The following LRP1B variants were observed in gnomAD, a reference collection of about 807,000 sequenced individuals.
LRP1B encodes LDL receptor related protein 1B.
Under a neutral mutation model 556.6 loss-of-function variants are expected in LRP1B, and 217 were observed. That is an observed-to-expected ratio of 0.39 (90% CI 0.35 to 0.44). The LOEUF (loss-of-function observed/expected upper bound fraction) is 0.44. Among genes scored for constraint, LRP1B ranks in the 20% least tolerant of loss-of-function variants. The probability of loss-of-function intolerance (pLI) is 1.00; values close to 1 mark genes in which losing one functional copy is unlikely to be tolerated. For synonymous variants in LRP1B, 2,047 were observed against 1,865.8 expected (o/e 1.10, Z -2.50); for missense variants, 5,053 against 5,620.8 (o/e 0.90, Z 3.23).
intron 3 of LRP1B, among the ~76,000 whole-genome samples, chr2:141,433,443 G>A (rs60776786): frequency 0.022 from 3,374 of 151,980 alleles, 146 homozygotes; most frequent in African/African-American, 0.075. Flanking sequence ...ATTTTCTTAC[G>A]GATCTTCTGC....
intron 2 of LRP1B, among the ~76,000 whole-genome samples, chr2:141,735,681 T>A (rs1693438342): frequency 6.6e-6 from 1 of 152,090 alleles, no homozygotes; most frequent in African/African-American, 2.4e-5. Context: ...AGGTAGAACT[T>A]TTTTCTCTTC....
At chr2:140,612,703 C>T (rs1683111761) in intron 41 of LRP1B, among the ~76,000 whole-genome samples, 1 of 152,134 alleles carries the variant, frequency 6.6e-6, no homozygotes, top group Non-Finnish European at 1.5e-5. Context: ...TTACCATGCT[C>T]AGACTATGAT....
intron 6 of LRP1B, among the ~76,000 whole-genome samples, chr2:141,225,520 T>A (rs999695082): frequency 6.6e-6 from 1 of 152,122 alleles, no homozygotes; most frequent in African/African-American, 2.4e-5. Context: ...CCAAGAAAAA[T>A]TTTGGGAAAC....
At chr2:140,537,267 T>A (rs936851815) in intron 45 of LRP1B, among the ~76,000 whole-genome samples, 2 of 149,768 alleles carry the variant, frequency 1.3e-5, no homozygotes, top group Admixed American at 6.7e-5. Context: ...GCCAGTTAAA[T>A]GAACTCTGTA....
chr2:141,323,661 T>C (rs1687323458), intron 3 of LRP1B, among the ~76,000 whole-genome samples: 2 of 152,044 alleles, frequency 1.3e-5, no homozygotes, highest in South Asian at 2.1e-4. Flanking sequence ...AAGAGGTTTT[T>C]CCTAGTCCTA....
At chr2:141,220,201 A>G (rs570024351) in intron 6 of LRP1B, among the ~76,000 whole-genome samples, 9 of 152,294 alleles carry the variant, frequency 5.9e-5, no homozygotes, top group African/African-American at 1.9e-4. Context: ...GGAGATGTTA[A>G]CCAGAATAAC....
At chr2:141,013,835 A>G in intron 13 of LRP1B, 90 bp from the exon 14 acceptor site, 1 of 666,442 alleles carries the variant, frequency 1.5e-6, no homozygotes, top group Non-Finnish European at 2.3e-6. Context: ...AATAAGTATA[A>G]CAGATAATAA....
intron 1 of LRP1B, among the ~76,000 whole-genome samples, chr2:142,114,914 G>T (rs773498301): frequency 2.0e-5 from 3 of 152,002 alleles, no homozygotes; most frequent in Non-Finnish European, 4.4e-5. Context: ...ACAACAAAAA[G>T]AAATAATAAA....
chr2:140,912,856 T>A (rs1694463389), intron 21 of LRP1B, among the ~76,000 whole-genome samples: 1 of 151,834 alleles, frequency 6.6e-6, no homozygotes, highest in South Asian at 2.1e-4. Context: ...CAAAATAAAT[T>A]GATACAATCT....
chr2:140,779,575 A>T (rs553756015), intron 32 of LRP1B, among the ~76,000 whole-genome samples: 1 of 151,910 alleles, frequency 6.6e-6, no homozygotes, highest in African/African-American at 2.4e-5. Flanking sequence ...TGCGCCTGTA[A>T]TCCCAGCTAC....
At chr2:141,096,629 G>GAGGGAGAGAGAGAGAGAGAGAGAGA (rs1558858138) in intron 7 of LRP1B, among the ~76,000 whole-genome samples, 4 of 59,744 alleles carry the variant, frequency 6.7e-5, no homozygotes, top group African/African-American at 2.2e-4. Context: ...GGGGAGAGGG[G>GAGGGAGAGAGAGAGAGAGAGAGAGA]GAGAGAGAGA....
intron 1 of LRP1B, among the ~76,000 whole-genome samples, chr2:141,824,786 A>T (rs1696868664): frequency 6.6e-6 from 1 of 152,202 alleles, no homozygotes. Flanking sequence ...AAATCCATGT[A>T]TGTGAGTTTC....
intron 85 of LRP1B, among the ~76,000 whole-genome samples, chr2:140,272,169 TTACAA>T (rs1398632986): frequency 1.3e-5 from 2 of 151,684 alleles, no homozygotes; most frequent in Non-Finnish European, 2.9e-5. Flanking sequence ...GTTAAAATCA[TTACAA>T]TACATCAAAG....
chr2:140,348,408 C>T (rs1437709180), intron 77 of LRP1B, among the ~76,000 whole-genome samples: 2 of 152,016 alleles, frequency 1.3e-5, no homozygotes, highest in Admixed American at 6.6e-5. Flanking sequence ...AGTGCTAAAA[C>T]TCATGGCTCA....
chr2:141,896,211 G>A (rs1574472580), intron 1 of LRP1B, among the ~76,000 whole-genome samples: 1 of 152,070 alleles, frequency 6.6e-6, no homozygotes, highest in South Asian at 2.1e-4. Flanking sequence ...TCAAAGAAAA[G>A]CAAAGTTTTT....
chr2:140,465,729 A>AAAAAAAAAAAAAAGG (rs1355711924), intron 60 of LRP1B, among the ~76,000 whole-genome samples: 1 of 148,300 alleles, frequency 6.7e-6, no homozygotes, highest in African/African-American at 2.6e-5. Flanking sequence ...GCAAAAAAAA[A>AAAAAAAAAAAAAAGG]AAAAAGAAAA....
rs748605226 is a variant in LRP1B at position 140,702,264 on chromosome 2, C to G, written c.6179G>C (p.Arg2060Pro). Reference sequence around the variant, plus strand: ...GTCGATTCTCTCTATCTTGTCTGTGCGAGCATCACACCAGTACAATTTATT... The same window carrying G: ...GTCGATTCTCTCTATCTTGTCTGTGGGAGCATCACACCAGTACAATTTATT... The part of the protein sequence containing the change: ...EENKLYWCDA[R>P]TDKIERIDLE... Residue 2060 changes from arginine (R) to proline (P), a missense_variant, in exon 39 of 91, where the codon CGC (arginine) becomes CCC (proline). Physicochemically the swap from Arg to Pro is moderately radical, Grantham distance 103 (BLOSUM62 -2). Transcript: ENST00000389484. 1 of 1,613,398 alleles carries G rather than the reference C, an allele frequency of 6.2e-7. No homozygotes were observed. The highest frequency in any genetic ancestry group is 8.5e-7 in the Non-Finnish European group (1 of 1,179,730).
intron 45 of LRP1B, among the ~76,000 whole-genome samples, chr2:140,540,206 G>T (rs1259696432): frequency 6.6e-6 from 1 of 152,070 alleles, no homozygotes; most frequent in Non-Finnish European, 1.5e-5. Context: ...TAGGTGAGGA[G>T]AGACAAAAAA....
At chr2:141,111,842 G>A (rs757519104) in intron 7 of LRP1B, among the ~76,000 whole-genome samples, 1 of 151,880 alleles carries the variant, frequency 6.6e-6, no homozygotes, top group Admixed American at 6.6e-5. Flanking sequence ...CAAGGAGATC[G>A]AGACCATCCT....
Sources: gnomAD v4.1 joint callset for allele counts (sites outside exome capture counted in the v4.1 genomes callset) on GRCh38, gnomAD v4.1.1 for gene constraint, MANE v1.5 for transcripts, NCBI Gene and HGNC (gene_info 2026-07-23, HGNC 2026-07-21) for gene names.